The following ARFGEF1 variants were observed in gnomAD, a reference collection of about 807,000 sequenced individuals.
ARFGEF1 encodes the protein brefeldin A-inhibited guanine nucleotide-exchange protein 1.
ARFGEF1 carries 42 observed loss-of-function variants against 231.0 expected under a neutral mutation model. The ratio of observed to expected loss-of-function variants is 0.18; its 90% CI spans 0.14 to 0.24. The LOEUF is 0.24. Ranked by LOEUF, ARFGEF1 falls within the 10% of genes least tolerant of loss-of-function variation. ARFGEF1 has a pLI of 1.00. For synonymous variants in ARFGEF1, 710 were observed against 732.3 expected, an observed-to-expected ratio of 0.97 and a Z score of 0.49; for missense variants, 1,345 against 2,192.0, an observed-to-expected ratio of 0.61 and a Z score of 7.72.
intron 20 of ARFGEF1, 105 bp downstream of exon 20, chr8:67,240,056 AT>A (rs1839883999): frequency 1.4e-6 from 2 of 1,439,252 alleles, no homozygotes; most frequent in East Asian, 2.4e-5. Flanking sequence ...TAAACTTGAA[AT>A]TAGTTTTTAA....
intron 1 of ARFGEF1, among the ~76,000 whole-genome samples, chr8:67,339,095 GA>G (rs1808480073): frequency 6.6e-6 from 1 of 152,168 alleles, no homozygotes; most frequent in South Asian, 2.1e-4. Flanking sequence ...ATCTCTGGAT[GA>G]AACTATAATT....
At chr8:67,331,048 AAAG>A (rs369021977) in intron 1 of ARFGEF1, among the ~76,000 whole-genome samples, 4 of 152,290 alleles carry the variant, frequency 2.6e-5, no homozygotes, top group African/African-American at 9.6e-5. Flanking sequence ...TTATTTGGAA[AAAG>A]AAGTAATATT....
Position 67,343,550 on chromosome 8 carries a change from C to G in ARFGEF1, c.-263G>C. 8.8e-7 allele frequency: 1 copy of G among 1,136,154 alleles called. No homozygotes were observed. The highest frequency in any genetic ancestry group is 4.7e-5 in the Admixed American group (1 of 21,134). 70.4% of individuals were successfully genotyped at this position (1,136,154 alleles called of 1,614,324 possible). On this transcript the variant is annotated 5_prime_UTR_variant, in exon 1 of 39. Transcript: ENST00000262215. ...CGTCGGGCCTCCGCTTCTCCCGGCC[C>G]GGGGGTCGCGTCCCGGCCGCCCCTC...
At chr8:67,287,889 CAA>C in intron 7 of ARFGEF1, 64 bp downstream of exon 7, 1 of 1,106,748 alleles carries the variant, frequency 9.0e-7, no homozygotes, top group Admixed American at 2.9e-5. Flanking sequence ...CCAGACATTA[CAA>C]AGTCTCCACA....
Position 67,343,678 on chromosome 8 carries a change from G to T in ARFGEF1, c.-391C>A. On this transcript the variant is annotated 5_prime_UTR_variant, in exon 1 of 39. The change creates a premature stop within an existing upstream ORF in the 5' untranslated region. Coordinates refer to ENST00000262215, the MANE Select transcript of ARFGEF1 (RefSeq NM_006421.5). ...TGGCGGCGGCTCTCAGAGGCACCGC[G>T]AGAGAAGGGCTACCCTGGCTACTGT... is the stretch of plus-strand genomic sequence containing the variant. 1 of 906,154 alleles carries T rather than the reference G, an allele frequency of 1.1e-6. No homozygotes were observed. Among genetic ancestry groups the T allele is most frequent in the Non-Finnish European group, 1.3e-6 (1 of 752,210 alleles). 56.1% of individuals were successfully genotyped at this position (906,154 alleles called of 1,614,324 possible).
chr8:67,284,401 G>T (rs1295070363), intron 7 of ARFGEF1, among the ~76,000 whole-genome samples: 1 of 152,080 alleles, frequency 6.6e-6, no homozygotes. Context: ...AGGAGCTGAT[G>T]GAGTTCTCCA....
chr8:67,280,073 A>AT (rs142478377), intron 7 of ARFGEF1, among the ~76,000 whole-genome samples: 2,477 of 152,318 alleles, frequency 0.016, 73 homozygotes, highest in African/African-American at 0.057. Context: ...ACTTTGAGGA[A>AT]TCCTAGAAAG....
At chr8:67,239,415 GTTT>G (rs1195694224) in intron 20 of ARFGEF1, among the ~76,000 whole-genome samples, 1 of 151,958 alleles carries the variant, frequency 6.6e-6, no homozygotes, top group East Asian at 1.9e-4. Context: ...AATTCCACAA[GTTT>G]TTTATTTTCA....
chr8:67,285,227 C>T (rs1169543265), intron 7 of ARFGEF1, among the ~76,000 whole-genome samples: 3 of 151,964 alleles, frequency 2.0e-5, no homozygotes, highest in Non-Finnish European at 4.4e-5. Flanking sequence ...GGTGCTAAAA[C>T]CATTGAGTGG....
At chr8:67,322,544 A>G (rs563035789) in intron 1 of ARFGEF1, among the ~76,000 whole-genome samples, 24 of 152,184 alleles carry the variant, frequency 1.6e-4, no homozygotes, top group Admixed American at 1.0e-3. Context: ...AAAAAGTTAA[A>G]GAAAAAATTA....
chr8:67,212,020 A>G (rs1461631799), intron 33 of ARFGEF1, among the ~76,000 whole-genome samples: 2 of 152,204 alleles, frequency 1.3e-5, no homozygotes, highest in Non-Finnish European at 2.9e-5. Flanking sequence ...GTGTCGTATC[A>G]TGAAGAGATG....
chr8:67,257,111 C>T (rs1840481753), intron 17 of ARFGEF1, among the ~76,000 whole-genome samples: 1 of 152,002 alleles, frequency 6.6e-6, no homozygotes, highest in Admixed American at 6.6e-5. Context: ...GGGGTCTGCC[C>T]TCTGTCACCC....
At chr8:67,217,686 G>A in intron 32 of ARFGEF1, 96 bp downstream of exon 32, 2 of 1,308,918 alleles carry the variant, frequency 1.5e-6, no homozygotes, top group Non-Finnish European at 2.1e-6. Flanking sequence ...TCTGTTATGA[G>A]AAATCAGTAG....
At chr8:67,299,509 C>CT (rs1404670275) in intron 3 of ARFGEF1, among the ~76,000 whole-genome samples, 154 bp from the exon 4 acceptor site, 1 of 152,198 alleles carries the variant, frequency 6.6e-6, no homozygotes, top group Non-Finnish European at 1.5e-5. Flanking sequence ...GCTATACCAA[C>CT]TTTTTCTGTA....
downstream of ARFGEF1, chr8:67,175,292 C>G: frequency 6.2e-7 from 1 of 1,600,444 alleles, no homozygotes; most frequent in Middle Eastern, 1.7e-4. Context: ...ATTTTTTATA[C>G]CAGATTCAGA....
intron 1 of ARFGEF1, among the ~76,000 whole-genome samples, chr8:67,308,868 G>A (rs1806865610): frequency 6.6e-6 from 1 of 152,040 alleles, no homozygotes; most frequent in Admixed American, 6.6e-5. Flanking sequence ...GAATGACCAA[G>A]CTAATTAACA....
intron 3 of ARFGEF1, 150 bp downstream of exon 3, chr8:67,301,074 C>A: frequency 1.5e-6 from 1 of 654,086 alleles, no homozygotes; most frequent in Non-Finnish European, 2.4e-6. Context: ...CTATTATTAT[C>A]TGTCTTAAAT....
At chr8:67,173,582 C>G (rs1830902969), downstream of ARFGEF1, 1 of 151,976 alleles carries the variant, frequency 6.6e-6, no homozygotes, top group Non-Finnish European at 1.5e-5. Flanking sequence ...AAGGAAAAAT[C>G]ACTTTAGTCA....
At chr8:67,283,531 A>G (rs1805623447) in intron 7 of ARFGEF1, among the ~76,000 whole-genome samples, 1 of 152,150 alleles carries the variant, frequency 6.6e-6, no homozygotes, top group Non-Finnish European at 1.5e-5. Flanking sequence ...TTATTTAAAA[A>G]ATTATGTACA....
Sources: allele counts gnomAD v4.1 joint callset (sites outside exome capture counted in the v4.1 genomes callset), GRCh38; gene constraint gnomAD v4.1.1; transcripts MANE v1.5; gene names NCBI Gene and HGNC (gene_info 2026-07-23, HGNC 2026-07-21).